Variants in SLC24A2 observed in about 807,000 individuals in gnomAD.
SLC24A2 encodes the protein solute carrier family 24 member 2.
A neutral mutation model predicts 62.0 loss-of-function variants in SLC24A2; 36 were observed. That is an observed-to-expected ratio of 0.58 (90% CI 0.44 to 0.77). The LOEUF is 0.77. Ranked by LOEUF, SLC24A2 falls within the 30% of genes least tolerant of loss-of-function variation. SLC24A2 has a pLI of 0.00. For synonymous variants in SLC24A2, 358 were observed against 294.0 expected (o/e 1.22, Z -2.23); for missense variants, 846 against 817.9 (o/e 1.03, Z -0.42).
rs1028638340 is a variant in SLC24A2, at chr9:19,710,674, C to T, written c.930+75263G>A. On this transcript the variant is annotated intron_variant, in intron 2 of 10. Transcript: ENST00000341998. Reference sequence around the variant, plus strand: ...TCTGTAGAGCCTGGTCATGAATGGGCCTTGTCAGCCATGCGGAGGAAGTTT... The same window carrying T: ...TCTGTAGAGCCTGGTCATGAATGGGTCTTGTCAGCCATGCGGAGGAAGTTT... Among the ~76,000 whole-genome samples, 8 of 152,064 alleles carry T rather than the reference C, an allele frequency of 5.3e-5. No individual in the cohort carries two copies. In the East Asian group the frequency reaches 1.5e-3, roughly 29 times the overall value.
the SLC24A2 span, among the ~76,000 whole-genome samples, chr9:20,027,531 A>T: frequency 6.6e-6 from 1 of 152,204 alleles, no homozygotes; most frequent in Admixed American, 6.5e-5. Context: ...ACATTACGTT[A>T]AGTAAAATAA....
the SLC24A2 span, among the ~76,000 whole-genome samples, chr9:20,261,505 A>G: frequency 6.6e-6 from 1 of 151,526 alleles, no homozygotes; most frequent in African/African-American, 2.4e-5. Context: ...CAATAACAAC[A>G]CTCATCCATT....
chr9:19,870,160 T>C, the SLC24A2 span, among the ~76,000 whole-genome samples: 1 of 152,186 alleles, frequency 6.6e-6, no homozygotes. Context: ...AGAAACCCCG[T>C]ACCCATTAGT....
At chr9:19,947,880 T>C in the SLC24A2 span, among the ~76,000 whole-genome samples, 10 of 151,034 alleles carry the variant, frequency 6.6e-5, no homozygotes, top group Admixed American at 1.3e-4. Context: ...ATACACTTTG[T>C]TGGATAGATT....
intron 2 of SLC24A2, among the ~76,000 whole-genome samples, chr9:19,734,323 G>A (rs1237249976): frequency 6.6e-6 from 1 of 152,174 alleles, no homozygotes; most frequent in East Asian, 1.9e-4. Flanking sequence ...GTAGCGTGAT[G>A]CCTCCAGCTT....
the SLC24A2 span, among the ~76,000 whole-genome samples, chr9:20,086,404 C>T: frequency 3.3e-5 from 5 of 152,168 alleles, no homozygotes; most frequent in African/African-American, 9.7e-5. Flanking sequence ...GAGCCCCCAG[C>T]CTCCAAGCCC....
intron 5 of SLC24A2, among the ~76,000 whole-genome samples, chr9:19,591,049 T>C (rs1049303189): frequency 1.3e-5 from 2 of 152,158 alleles, no homozygotes; most frequent in African/African-American, 4.8e-5. Flanking sequence ...TCCCCTTTTT[T>C]CCCGGACTCT....
At chr9:19,562,845 T>C (rs999444680) in intron 7 of SLC24A2, among the ~76,000 whole-genome samples, 8 of 152,170 alleles carry the variant, frequency 5.3e-5, no homozygotes, top group African/African-American at 1.4e-4. Context: ...TGGCTCACAC[T>C]TGTAGTCCCA....
At chr9:20,082,842 AC>A in the SLC24A2 span, among the ~76,000 whole-genome samples, 21 of 152,356 alleles carry the variant, frequency 1.4e-4, no homozygotes, top group African/African-American at 4.6e-4. Flanking sequence ...ACAAACAACA[AC>A]AAAAATTAAG....
intron 3 of SLC24A2, 69 bp downstream of exon 3, chr9:19,622,192 C>T: frequency 7.4e-7 from 1 of 1,347,874 alleles, no homozygotes; most frequent in South Asian, 1.2e-5. Flanking sequence ...AAACCCGTCT[C>T]ACTCCCACCC....
At chr9:20,143,413 G>A in the SLC24A2 span, among the ~76,000 whole-genome samples, 4 of 152,132 alleles carry the variant, frequency 2.6e-5, no homozygotes, top group African/African-American at 9.7e-5. Flanking sequence ...ATTTGCCCTA[G>A]GGAAAAAAAT....
At chr9:19,667,725 C>T (rs1034312512) in intron 2 of SLC24A2, among the ~76,000 whole-genome samples, 1 of 152,182 alleles carries the variant, frequency 6.6e-6, no homozygotes, top group African/African-American at 2.4e-5. Context: ...TCTCTTCCTC[C>T]TGTGAAGCCT....
chr9:19,976,018 A>G, the SLC24A2 span, among the ~76,000 whole-genome samples: 4 of 152,140 alleles, frequency 2.6e-5, no homozygotes, highest in South Asian at 8.3e-4. Context: ...CTGGAACCAC[A>G]GGCCCGTGGC....
the SLC24A2 span, among the ~76,000 whole-genome samples, chr9:19,975,487 T>C: frequency 3.3e-5 from 5 of 152,208 alleles, no homozygotes; most frequent in African/African-American, 1.2e-4. Flanking sequence ...TGTGGCTACA[T>C]TGCCTCTTAG....
the SLC24A2 span, among the ~76,000 whole-genome samples, chr9:19,856,798 C>T: frequency 2.1e-4 from 32 of 152,308 alleles, no homozygotes; most frequent in East Asian, 3.9e-4. Flanking sequence ...CTTAACAAAG[C>T]GCTCTGGCTG....
chr9:20,221,263 G>T, the SLC24A2 span, among the ~76,000 whole-genome samples: 1 of 152,088 alleles, frequency 6.6e-6, no homozygotes, highest in Non-Finnish European at 1.5e-5. Context: ...GGAGACAAGT[G>T]TAGAAGCAGA....
chr9:19,773,253 CTGAA>C (rs1822744468), intron 2 of SLC24A2, among the ~76,000 whole-genome samples: 1 of 152,082 alleles, frequency 6.6e-6, no homozygotes, highest in African/African-American at 2.4e-5. Context: ...TTGTGTGACT[CTGAA>C]TGTATATGCT....
the SLC24A2 span, among the ~76,000 whole-genome samples, chr9:19,887,981 G>C: frequency 6.6e-6 from 1 of 152,152 alleles, no homozygotes; most frequent in Non-Finnish European, 1.5e-5. Flanking sequence ...TGGGGACTCA[G>C]GGGAAAGTGG....
chr9:20,124,280 G>T, the SLC24A2 span, among the ~76,000 whole-genome samples: 1 of 149,608 alleles, frequency 6.7e-6, no homozygotes, highest in Admixed American at 6.7e-5. Flanking sequence ...CTTCACACTA[G>T]AATATTTTCA....
Sources: allele counts gnomAD v4.1 joint callset (sites outside exome capture counted in the v4.1 genomes callset), GRCh38; gene constraint gnomAD v4.1.1; transcripts MANE v1.5; gene names NCBI Gene and HGNC (gene_info 2026-07-23, HGNC 2026-07-21).